PHACTR2: variants seen among roughly 807,000 people sequenced by gnomAD.
PHACTR2 encodes chromosome 6 open reading frame 56.
In PHACTR2, 30 loss-of-function variants were observed where a neutral mutation model predicts 76.0. That is an observed-to-expected ratio of 0.39 (90% CI 0.30 to 0.54). The LOEUF is 0.54. Among genes scored for constraint, PHACTR2 ranks in the 20% least tolerant of loss-of-function variants. PHACTR2 has a pLI of 0.61. For missense variants in PHACTR2, 696 were observed against 781.1 expected, an observed-to-expected ratio of 0.89 and a Z score of 1.30; for synonymous variants, 292 against 292.5, an observed-to-expected ratio of 1.00 and a Z score of 0.02.
At chr6:143,749,817 T>G (rs2128469920) in intron 3 of PHACTR2, among the ~76,000 whole-genome samples, 1 of 152,342 alleles carries the variant, frequency 6.6e-6, no homozygotes, top group African/African-American at 2.4e-5. Context: ...CTAATGATTT[T>G]CATCGCTTCC....
At chr6:143,607,036 G>A (rs1034497388), upstream of PHACTR2, among the ~76,000 whole-genome samples, 1 of 152,198 alleles carries the variant, frequency 6.6e-6, no homozygotes, top group Admixed American at 6.5e-5. Context: ...CCTAGAAGCT[G>A]TTACAATGGG....
intron 1 of PHACTR2, among the ~76,000 whole-genome samples, chr6:143,567,948 G>A (rs532231071): frequency 1.3e-5 from 2 of 152,294 alleles, no homozygotes; most frequent in South Asian, 4.1e-4. Flanking sequence ...CGATTCCCAC[G>A]ACTCTGTCAT....
chr6:143,680,320 C>T lies in PHACTR2; in HGVS notation c.46+2111C>T, dbSNP rs567704823. On this transcript the variant is annotated intron_variant, in intron 1 of 12. Transcript: ENST00000440869. The surrounding 1 kb of genome is among the most constrained non-coding windows in gnomAD (Gnocchi z 4.5). The stretch of plus-strand genomic sequence containing the variant: ...CGTGAAGATCCTTGTTCTGTTTGAT[C>T]TTAGCCATTGACTAGTTGTTTAAGT... 1.4e-4 allele frequency among the ~76,000 whole-genome samples: 22 copies of T among 152,248 alleles called. No individual in the cohort carries two copies. The highest frequency in any genetic ancestry group is 2.6e-4 in the Non-Finnish European group (18 of 68,012).
Position 143,776,361 on chromosome 6 carries a change from T to C in PHACTR2, c.1590-967T>C, listed in dbSNP as rs954542861. Among the ~76,000 whole-genome samples the C allele has an allele frequency of 6.6e-6, 1 of 152,204 alleles. No homozygotes were observed. Among genetic ancestry groups the C allele is most frequent in the African/African-American group, 2.4e-5 (1 of 41,452 alleles). ...AAAACTGACCCAAAATTGCTATATA[T>C]AATGATTTCAGCAGGTTTGCTTGAT... is the stretch of plus-strand genomic sequence containing the variant. On this transcript the variant is annotated intron_variant, in intron 8 of 12. Coordinates refer to ENST00000440869, the MANE Select transcript of PHACTR2 (RefSeq NM_001100164.2). The surrounding 1 kb of genome is among the most constrained non-coding windows in gnomAD (Gnocchi z 5.3).
chr6:143,763,771 C>T (rs1254925292), intron 5 of PHACTR2, among the ~76,000 whole-genome samples: 1 of 152,206 alleles, frequency 6.6e-6, no homozygotes, highest in African/African-American at 2.4e-5. Flanking sequence ...CATCTCTTCA[C>T]CCTCCCAATT....
rs546681370 is a variant in PHACTR2 at position 143,647,577 on chromosome 6, C to T, written c.13+39255C>T. The stretch of plus-strand genomic sequence containing the variant: ...TTAATTTAGTTAAGTGAGATGGGGG[C>T]GGGAAAGAAGAGAAAATAGAGAGAC... On this transcript the variant is annotated intron_variant, in intron 1 of 11. Transcript: ENST00000305766. The surrounding 1 kb of genome is among the most constrained non-coding windows in gnomAD (Gnocchi z 4.2). 5.3e-5 allele frequency among the ~76,000 whole-genome samples: 8 copies of T among 152,036 alleles called. No homozygotes were observed. In the South Asian group the frequency reaches 6.2e-4, roughly 12 times the overall value.
At chr6:143,786,593 A>G (rs1416974889) in intron 10 of PHACTR2, among the ~76,000 whole-genome samples, 1 of 152,234 alleles carries the variant, frequency 6.6e-6, no homozygotes, top group African/African-American at 2.4e-5. Flanking sequence ...TGATAAAGGC[A>G]TACCCTAGAC....
At chr6:143,758,120 T>C (rs990735715) in intron 4 of PHACTR2, among the ~76,000 whole-genome samples, 5 of 152,240 alleles carry the variant, frequency 3.3e-5, no homozygotes, top group African/African-American at 1.2e-4. Context: ...TTCTCCCTAG[T>C]AGGTCTTGTC....
intron 1 of PHACTR2, among the ~76,000 whole-genome samples, chr6:143,630,634 C>T (rs1776348997): frequency 6.6e-6 from 1 of 152,206 alleles, no homozygotes. Flanking sequence ...TGAATTCACT[C>T]ATCCAACACG....
intron 2 of PHACTR2, among the ~76,000 whole-genome samples, chr6:143,736,464 G>T (rs1391171608): frequency 1.3e-5 from 2 of 149,880 alleles, no homozygotes; most frequent in African/African-American, 4.9e-5. Context: ...TATTATCAAG[G>T]AATATGCAAA....
chr6:143,576,292 G>A (rs1775507646), intron 1 of PHACTR2, among the ~76,000 whole-genome samples: 1 of 152,178 alleles, frequency 6.6e-6, no homozygotes, highest in Non-Finnish European at 1.5e-5. Flanking sequence ...AGCTTTGGAA[G>A]GTCTCTCTTC....
intron 1 of PHACTR2, among the ~76,000 whole-genome samples, chr6:143,635,746 T>C (rs931327875): frequency 9.2e-5 from 14 of 152,264 alleles, no homozygotes; most frequent in African/African-American, 3.4e-4. Flanking sequence ...TGTTGATTTA[T>C]AATGGCTCTT....
chr6:143,555,662 A>G (rs1775163415), intron 1 of PHACTR2, among the ~76,000 whole-genome samples: 1 of 152,138 alleles, frequency 6.6e-6, no homozygotes, highest in Admixed American at 6.5e-5. Flanking sequence ...TAGGCAAATA[A>G]AATATACCCC....
rs1775759353 is a variant in PHACTR2 at position 143,793,518 on chromosome 6, T to TA, written c.1845+4611dup. 6.6e-6 allele frequency among the ~76,000 whole-genome samples: 1 copy of TA among 152,122 alleles called. No individual in the cohort carries two copies. Among genetic ancestry groups the TA allele is most frequent in the South Asian group, 2.1e-4 (1 of 4,824 alleles). ...CTCTCACATTTCTCCTGAGGCTTTT[T>TA]AAAGTCTAAAAAGCAGCATTTTTAG... On this transcript the variant is annotated intron_variant, in intron 11 of 12. Transcript: ENST00000440869. The surrounding 1 kb of genome is among the most constrained non-coding windows in gnomAD (Gnocchi z 4.4).
chr6:143,656,894 A>T lies in PHACTR2; in HGVS notation c.13+48572A>T, dbSNP rs1453695015. Among the ~76,000 whole-genome samples the T allele has an allele frequency of 2.6e-5, 4 of 152,146 alleles. No individual in the cohort carries two copies. The highest frequency in any genetic ancestry group is 9.7e-5 in the African/African-American group (4 of 41,426). ...ACATAGGCTTGATTGGCCACACGAA[A>T]ATTTAAATATTATGAATGTTGAATG... On this transcript the variant is annotated intron_variant, in intron 1 of 11. Coordinates refer to the PHACTR2 transcript ENST00000305766. This position sits in a 1 kb window ranked among gnomAD's most constrained non-coding sequence, Gnocchi z 5.3.
intron 1 of PHACTR2, among the ~76,000 whole-genome samples, chr6:143,704,446 G>A (rs56265908): frequency 0.041 from 6,192 of 152,140 alleles, 163 homozygotes; most frequent in Non-Finnish European, 0.059. Context: ...TAGGCACCGA[G>A]GCCCCTTCGA....
At chr6:143,736,791 G>A (rs533347613) in intron 2 of PHACTR2, among the ~76,000 whole-genome samples, 1 of 151,666 alleles carries the variant, frequency 6.6e-6, no homozygotes, top group South Asian at 2.1e-4. Context: ...AGCCAGGATG[G>A]TCTCGATCTC....
At chr6:143,682,985 C>T (rs139721742) in intron 1 of PHACTR2, among the ~76,000 whole-genome samples, 27 of 152,214 alleles carry the variant, frequency 1.8e-4, no homozygotes, top group African/African-American at 4.6e-4. Context: ...TGTCATGTTA[C>T]GTTAATTGAT....
intron 1 of PHACTR2, among the ~76,000 whole-genome samples, chr6:143,704,259 G>T (rs1777989956): frequency 6.6e-6 from 1 of 152,084 alleles, no homozygotes; most frequent in African/African-American, 2.4e-5. Flanking sequence ...ACCTTATCTG[G>T]ATCCATCATG....
Sources: gnomAD v4.1 joint callset for allele counts (sites outside exome capture counted in the v4.1 genomes callset) on GRCh38, gnomAD v4.1.1 for gene constraint, Gnocchi (gnomAD v3.1) non-coding constraint, MANE v1.5 for transcripts, NCBI Gene and HGNC (gene_info 2026-07-23, HGNC 2026-07-21) for gene names.